The following IQGAP2 variants were observed in gnomAD, a reference collection of about 807,000 sequenced individuals.
IQGAP2 encodes the protein ras GTPase-activating-like protein IQGAP2.
A neutral mutation model predicts 201.3 loss-of-function variants in IQGAP2; 173 were observed. The ratio of observed to expected loss-of-function variants is 0.86; its 90% CI spans 0.76 to 0.98. IQGAP2 has a LOEUF of 0.98. IQGAP2 is among the 50% of genes least tolerant of loss of function. The pLI, the probability that IQGAP2 is intolerant of heterozygous loss-of-function variation, is 0.00. For missense variants in IQGAP2, 1,687 were observed against 1,864.8 expected (o/e 0.90, Z 1.76); for synonymous variants, 675 against 673.9 (o/e 1.00, Z -0.03).
intron 1 of IQGAP2, among the ~76,000 whole-genome samples, chr5:76,419,540 G>A (rs900280817): frequency 3.9e-5 from 6 of 152,072 alleles, no homozygotes; most frequent in East Asian, 3.8e-4. Flanking sequence ...GTTTCACCAC[G>A]TTGGCCAGGC....
intron 20 of IQGAP2, 65 bp downstream of exon 20, chr5:76,655,068 C>A: frequency 1.8e-6 from 2 of 1,142,638 alleles, no homozygotes; most frequent in South Asian, 1.3e-5. Context: ...CATATTGGTC[C>A]ATATTGGTCA....
rs1323901713 is a variant in IQGAP2 at position 76,625,788 on chromosome 5, C to T, written c.1522-1622C>T. ...CCCATCCATCTTAAGTTTTAAATGA[C>T]GGAGTCGGTGCCAGATCCATTACCT... is the stretch of plus-strand genomic sequence containing the variant. On this transcript the variant is annotated intron_variant, in intron 13 of 35. Coordinates refer to ENST00000274364, the MANE Select transcript of IQGAP2 (RefSeq NM_006633.5). Among the ~76,000 whole-genome samples, 3 of 152,204 alleles carry T rather than the reference C, an allele frequency of 2.0e-5. No individual in the cohort carries two copies. In the South Asian group the frequency reaches 6.2e-4, roughly 31 times the overall value.
At chr5:76,579,404 C>T (rs1385441234) in intron 5 of IQGAP2, among the ~76,000 whole-genome samples, 2 of 150,826 alleles carry the variant, frequency 1.3e-5, no homozygotes, top group Admixed American at 6.6e-5. Context: ...GCGAGTCAGA[C>T]CCTGGCCACA....
chr5:76,699,103 C>A (rs1269099174), intron 33 of IQGAP2, among the ~76,000 whole-genome samples: 2 of 152,058 alleles, frequency 1.3e-5, no homozygotes, highest in Non-Finnish European at 2.9e-5. Flanking sequence ...ATTTCATATC[C>A]TTTGACCATC....
intron 2 of IQGAP2, among the ~76,000 whole-genome samples, chr5:76,551,663 G>GCCCAT (rs1743540999): frequency 6.6e-6 from 1 of 152,036 alleles, no homozygotes; most frequent in African/African-American, 2.4e-5. Flanking sequence ...GACCAGCCCA[G>GCCCAT]CCAACACGGC....
chr5:76,570,543 T>A, intron 3 of IQGAP2, 37 bp from the exon 4 acceptor site: 1 of 1,438,104 alleles, frequency 7.0e-7, no homozygotes. Flanking sequence ...TTTGTGTGGT[T>A]CCTTCTCTCC....
chr5:76,592,395 CTT>C (rs1746722311), intron 8 of IQGAP2, among the ~76,000 whole-genome samples: 1 of 152,148 alleles, frequency 6.6e-6, no homozygotes, highest in Non-Finnish European at 1.5e-5. Flanking sequence ...ATTATGATCT[CTT>C]TGCAAAATTT....
chr5:76,610,891 T>C, intron 12 of IQGAP2, 129 bp from the exon 13 acceptor site: 1 of 604,728 alleles, frequency 1.7e-6, no homozygotes, highest in Non-Finnish European at 2.8e-6. Flanking sequence ...GACACATAAT[T>C]GGTTTTGTGC....
chr5:76,522,489 C>T (rs1758746058), intron 2 of IQGAP2, among the ~76,000 whole-genome samples: 1 of 152,142 alleles, frequency 6.6e-6, no homozygotes, highest in African/African-American at 2.4e-5. Flanking sequence ...GGCCATTTAA[C>T]AGCTTAAGGT....
intron 2 of IQGAP2, among the ~76,000 whole-genome samples, chr5:76,494,589 A>G (rs1561414292): frequency 6.6e-6 from 1 of 152,264 alleles, no homozygotes; most frequent in Non-Finnish European, 1.5e-5. Context: ...ATAAAAGCAC[A>G]TGATAGAATA....
chr5:76,518,134 A>AT (rs1758450362), intron 2 of IQGAP2, among the ~76,000 whole-genome samples: 2 of 151,848 alleles, frequency 1.3e-5, no homozygotes, highest in African/African-American at 4.8e-5. Flanking sequence ...ATTTTTCTGT[A>AT]TTTTTTTAGT....
At chr5:76,543,170 C>G (rs1428918676) in intron 2 of IQGAP2, among the ~76,000 whole-genome samples, 1 of 152,160 alleles carries the variant, frequency 6.6e-6, no homozygotes, top group Non-Finnish European at 1.5e-5. Context: ...CCAGAACACC[C>G]TCGCAGCATG....
intron 1 of IQGAP2, among the ~76,000 whole-genome samples, chr5:76,416,812 C>G (rs1751432382): frequency 6.6e-6 from 1 of 151,692 alleles, no homozygotes; most frequent in African/African-American, 2.4e-5. Context: ...AGGTGTGAGC[C>G]AACACACCCG....
rs1327462905 is a variant in IQGAP2, at chr5:76,472,938, G to A, written c.146+11269G>A. Among the ~76,000 whole-genome samples the A allele has an allele frequency of 2.0e-5, 3 of 152,196 alleles. No individual in the cohort carries two copies. The East Asian group carries it at 5.8e-4, about 29-fold the overall frequency. On this transcript the variant is annotated intron_variant, in intron 2 of 35. Coordinates refer to ENST00000274364, the MANE Select transcript of IQGAP2 (RefSeq NM_006633.5). ...CAAGTGTCTACTCACCAGGCACGGT[G>A]CTTTAAGCATTCAACCCACATGGTC...
At chr5:76,448,613 A>G (rs1669907221) in intron 1 of IQGAP2, among the ~76,000 whole-genome samples, 1 of 152,174 alleles carries the variant, frequency 6.6e-6, no homozygotes, top group South Asian at 2.1e-4. Context: ...TGGAAGCATC[A>G]GGATAGTAGT....
intron 3 of IQGAP2, among the ~76,000 whole-genome samples, chr5:76,568,287 G>T (rs1308854424): frequency 6.6e-6 from 1 of 152,136 alleles, no homozygotes; most frequent in East Asian, 1.9e-4. Flanking sequence ...TTAACATGAA[G>T]CACTGAAATT....
At position 76,674,027 on chromosome 5, in the gene IQGAP2, G is replaced by C. The variant is rs1744586624; in HGVS notation, c.3285G>C (p.Glu1095Asp). ...AATTCCCCGATGCAACAGAAGATGA[G>C]CTATTAAAGGTAGATTTTCAAGGGT... Reference protein sequence around the residue: ...HEKFPDATEDELLKIVGNLLY... With the variant: ...HEKFPDATEDDLLKIVGNLLY... The change falls in exon 26 of 36, where the codon GAG becomes GAC. Residue 1095 changes from glutamate to aspartate, a missense_variant. Transcript: ENST00000274364. 3 of 1,599,280 alleles carry C rather than the reference G, an allele frequency of 1.9e-6. No homozygotes were observed. The East Asian group carries it at 6.7e-5, about 36-fold the overall frequency.
chr5:76,538,152 G>A (rs983352064), intron 2 of IQGAP2, among the ~76,000 whole-genome samples: 13 of 152,148 alleles, frequency 8.5e-5, no homozygotes, highest in South Asian at 4.1e-4. Context: ...ACATGGCAGC[G>A]GGCAAGAGAG....
chr5:76,605,434 A>G (rs1341743648), intron 11 of IQGAP2, among the ~76,000 whole-genome samples: 1 of 152,086 alleles, frequency 6.6e-6, no homozygotes, highest in East Asian at 1.9e-4. Context: ...GGCTCAAACG[A>G]TCCTCTCACT....
Sources: gnomAD v4.1 joint callset for allele counts (sites outside exome capture counted in the v4.1 genomes callset) on GRCh38, gnomAD v4.1.1 for gene constraint, MANE v1.5 for transcripts, NCBI Gene and HGNC (gene_info 2026-07-23, HGNC 2026-07-21) for gene names.